Variants in HDAC9 observed in about 807,000 individuals in gnomAD.
HDAC9 encodes the protein histone deacetylase 9, also known as MEF-2 interacting transcription repressor (MITR) protein.
A neutral mutation model predicts 139.4 loss-of-function variants in HDAC9; 41 were observed. That is an observed-to-expected ratio of 0.29 (90% CI 0.23 to 0.38). HDAC9 has a LOEUF of 0.38. Ranked by LOEUF, HDAC9 falls within the 10% of genes least tolerant of loss-of-function variation. The pLI is 1.00. For synonymous variants in HDAC9, 517 were observed against 476.2 expected (o/e 1.09, Z -1.12); for missense variants, 1,147 against 1,297.0 (o/e 0.88, Z 1.78).
chr7:18,154,485 A>T (rs770432404), intron 1 of HDAC9, among the ~76,000 whole-genome samples: 6 of 152,200 alleles, frequency 3.9e-5, no homozygotes, highest in African/African-American at 9.7e-5. Flanking sequence ...TGTAATGATA[A>T]TAACAGCCAA....
At chr7:18,733,007 A>G (rs188208994) in intron 13 of HDAC9, among the ~76,000 whole-genome samples, 15 of 138,838 alleles carry the variant, frequency 1.1e-4, no homozygotes, top group Non-Finnish European at 1.4e-4. Context: ...GTATATACAC[A>G]TGTGTATGTG....
intron 1 of HDAC9, among the ~76,000 whole-genome samples, chr7:18,443,930 GTA>G (rs35425628): frequency 4.0e-5 from 6 of 150,808 alleles, no homozygotes; most frequent in East Asian, 1.9e-4. Flanking sequence ...TTATATATAT[GTA>G]TATATATGTA....
chr7:18,955,831 G>A (rs962754269), intron 24 of HDAC9, among the ~76,000 whole-genome samples: 28 of 152,078 alleles, frequency 1.8e-4, no homozygotes, highest in African/African-American at 6.8e-4. Flanking sequence ...TGGTTCTTAA[G>A]GGCTGAACAG....
intron 21 of HDAC9, among the ~76,000 whole-genome samples, chr7:18,836,987 G>A (rs952573039): frequency 2.0e-5 from 3 of 151,942 alleles, no homozygotes; most frequent in Non-Finnish European, 2.9e-5. Flanking sequence ...GGAAATAATA[G>A]GGAAATTTTT....
chr7:18,765,882 C>A (rs1789790716), intron 15 of HDAC9, among the ~76,000 whole-genome samples: 1 of 151,968 alleles, frequency 6.6e-6, no homozygotes, highest in Non-Finnish European at 1.5e-5. Flanking sequence ...CTATTGACTT[C>A]TCATCTTTTT....
intron 1 of HDAC9, among the ~76,000 whole-genome samples, chr7:18,125,875 A>C (rs1784633192): frequency 6.6e-6 from 1 of 152,186 alleles, no homozygotes; most frequent in South Asian, 2.1e-4. Flanking sequence ...AAACTATTTA[A>C]AAATGTGAAA....
chr7:18,991,854 A>G lies in HDAC9; in HGVS notation c.3171-4169A>G, dbSNP rs1003044941. The stretch of plus-strand genomic sequence containing the variant: ...TATTAGATGGTAAACATTCAATTAG[A>G]ATATAAGGTCAATGGAGAATGTGAG... On this transcript the variant is annotated intron_variant, in intron 25 of 25. Transcript: ENST00000686413. Among the ~76,000 whole-genome samples the G allele has an allele frequency of 2.6e-5, 4 of 152,322 alleles. No homozygotes were observed. The East Asian group carries it at 7.7e-4, about 29-fold the overall frequency.
At chr7:18,431,110 A>G (rs1790616192) in intron 1 of HDAC9, among the ~76,000 whole-genome samples, 1 of 151,952 alleles carries the variant, frequency 6.6e-6, no homozygotes, top group Non-Finnish European at 1.5e-5. Context: ...CCATCTCAGA[A>G]CCCACTAAAT....
At chr7:18,364,390 AC>A (rs1462590959) in intron 1 of HDAC9, among the ~76,000 whole-genome samples, 1 of 152,144 alleles carries the variant, frequency 6.6e-6, no homozygotes, top group East Asian at 1.9e-4. Context: ...ACTTGTATTA[AC>A]ATTAGAAATA....
chr7:18,591,124 G>A (rs1830821478), intron 4 of HDAC9, among the ~76,000 whole-genome samples: 1 of 152,118 alleles, frequency 6.6e-6, no homozygotes, highest in South Asian at 2.1e-4. Context: ...TTATTTTAAT[G>A]TGTTTAAGGG....
intron 1 of HDAC9, among the ~76,000 whole-genome samples, chr7:18,330,276 G>C (rs528187895): frequency 1.3e-5 from 2 of 151,450 alleles, no homozygotes; most frequent in South Asian, 4.2e-4. Flanking sequence ...GGGGACACTT[G>C]GGGTGGTATT....
intron 2 of HDAC9, among the ~76,000 whole-genome samples, chr7:18,171,911 T>C (rs1788481485): frequency 6.6e-6 from 1 of 152,220 alleles, no homozygotes; most frequent in Non-Finnish European, 1.5e-5. Flanking sequence ...AATTCTCTTT[T>C]TGTTGCGTCT....
At chr7:18,353,394 G>A (rs1783006109) in intron 1 of HDAC9, among the ~76,000 whole-genome samples, 1 of 151,964 alleles carries the variant, frequency 6.6e-6, no homozygotes, top group Admixed American at 6.6e-5. Flanking sequence ...GACTTTTCTC[G>A]TGAGCAAAAC....
intron 1 of HDAC9, among the ~76,000 whole-genome samples, chr7:18,430,176 G>A (rs1308349280): frequency 6.6e-6 from 1 of 152,132 alleles, no homozygotes; most frequent in African/African-American, 2.4e-5. Context: ...GCTTGAACTT[G>A]TTCTCCTAGA....
intron 2 of HDAC9, among the ~76,000 whole-genome samples, chr7:18,234,734 A>G (rs2128185999): frequency 1.3e-5 from 2 of 152,352 alleles, no homozygotes; most frequent in African/African-American, 4.8e-5. Context: ...TCACAGAGAC[A>G]GCTGGGATAT....
At chr7:18,773,629 A>G (rs566298514) in intron 16 of HDAC9, among the ~76,000 whole-genome samples, 2 of 152,208 alleles carry the variant, frequency 1.3e-5, no homozygotes, top group Non-Finnish European at 2.9e-5. Flanking sequence ...AAATATGATC[A>G]TCTACTGATT....
chr7:18,689,879 A>T (rs778767757), intron 12 of HDAC9, among the ~76,000 whole-genome samples: 94 of 149,966 alleles, frequency 6.3e-4, no homozygotes, highest in Non-Finnish European at 1.2e-3. Context: ...AAATTTTATT[A>T]AGAAAAGAAA....
chr7:18,939,439 A>G (rs1055012623), intron 23 of HDAC9, among the ~76,000 whole-genome samples: 1 of 152,230 alleles, frequency 6.6e-6, no homozygotes, highest in African/African-American at 2.4e-5. Flanking sequence ...TGTACATTAT[A>G]ATTCATTTGG....
At chr7:18,594,346 A>G (rs1293366566) in intron 6 of HDAC9, among the ~76,000 whole-genome samples, 2 of 152,124 alleles carry the variant, frequency 1.3e-5, no homozygotes, top group Admixed American at 6.6e-5. Flanking sequence ...TCTCCATTAG[A>G]TAGGGCCTCT....
Sources: allele counts gnomAD v4.1 joint callset (sites outside exome capture counted in the v4.1 genomes callset), GRCh38; gene constraint gnomAD v4.1.1; transcripts MANE v1.5; gene names NCBI Gene and HGNC (gene_info 2026-07-23, HGNC 2026-07-21).